DISC1: variants seen among roughly 807,000 people sequenced by gnomAD.
DISC1 encodes the protein disrupted in schizophrenia 1 protein.
A neutral mutation model predicts 84.5 loss-of-function variants in DISC1; 57 were observed. The ratio of observed to expected loss-of-function variants is 0.67; its 90% confidence interval spans 0.55 to 0.84. The LOEUF (loss-of-function observed/expected upper bound fraction) is 0.84, where lower values mean the gene tolerates loss of function less well. DISC1 is among the 40% of genes least tolerant of loss of function. DISC1 has a pLI of 0.00. For missense variants in DISC1, 1,000 were observed against 1,057.8 expected, an observed-to-expected ratio of 0.95 and a Z score of 0.76; for synonymous variants, 411 against 415.2, an observed-to-expected ratio of 0.99 and a Z score of 0.12.
At position 231,788,704 on chromosome 1, in the gene DISC1, C is replaced by T. The variant is rs142285740; in HGVS notation, c.1635-6538C>T. The stretch of plus-strand genomic sequence containing the variant: ...GAAGAGAGGACATCTCATGAGTTGA[C>T]TCCAAGTTTTTAACCTCTTTCTCTG... On this transcript the variant is annotated intron_variant, in intron 6 of 12. Transcript: ENST00000439617. 1.9e-4 allele frequency among the ~76,000 whole-genome samples: 29 copies of T among 152,284 alleles called. No individual in the cohort carries two copies. The East Asian group carries it at 5.6e-3, about 29-fold the overall frequency.
chr1:231,708,739 G>T (rs534997216), intron 3 of DISC1, among the ~76,000 whole-genome samples: 1 of 152,354 alleles, frequency 6.6e-6, no homozygotes, highest in Admixed American at 6.5e-5. Context: ...CACTGTGGAA[G>T]ACTGAGCTTT....
chr1:231,948,162 T>G (rs1331777147), intron 9 of DISC1, among the ~76,000 whole-genome samples: 2 of 152,210 alleles, frequency 1.3e-5, no homozygotes, highest in Non-Finnish European at 2.9e-5. Flanking sequence ...ACACTTATGT[T>G]TATTGTGGCA....
chr1:231,664,077 TCC>T (rs2125397756), intron 1 of DISC1, among the ~76,000 whole-genome samples: 1 of 151,876 alleles, frequency 6.6e-6, no homozygotes, highest in East Asian at 1.9e-4. Context: ...CATCCATCCA[TCC>T]GTCTATCTAT....
intron 9 of DISC1, among the ~76,000 whole-genome samples, chr1:231,908,714 T>C (rs1013349064): frequency 7.2e-5 from 11 of 152,200 alleles, no homozygotes; most frequent in Non-Finnish European, 1.2e-4. Flanking sequence ...AAGAAAGTCA[T>C]TGGTAGCTTG....
At chr1:231,718,904 G>A (rs2069179831) in intron 3 of DISC1, among the ~76,000 whole-genome samples, 1 of 152,188 alleles carries the variant, frequency 6.6e-6, no homozygotes, top group Admixed American at 6.5e-5. Flanking sequence ...TTAGAAGGCT[G>A]AGGTGGAAGG....
chr1:231,753,233 C>G (rs144199261), intron 4 of DISC1, among the ~76,000 whole-genome samples: 1 of 152,230 alleles, frequency 6.6e-6, no homozygotes, highest in East Asian at 1.9e-4. Flanking sequence ...CATGAGGGGT[C>G]CTGCCCTGCA....
rs140127303 is a variant in DISC1, at chr1:232,024,841, C to T, written c.2308-1594C>T. ...TCCTGACCTCATGATCCACCCGCCTCAGCCTCCCAAAGTGCTGGGATTACA... is the reference window on the plus strand; with the variant it reads ...TCCTGACCTCATGATCCACCCGCCTTAGCCTCCCAAAGTGCTGGGATTACA... On this transcript the variant is annotated intron_variant, in intron 11 of 12. Transcript: ENST00000439617. Among the ~76,000 whole-genome samples, 1,274 of 152,248 alleles carry T rather than the reference C, an allele frequency of 8.4e-3. 18 individuals carry two copies. The highest frequency in any genetic ancestry group is 0.029 in the African/African-American group (1,199 of 41,552).
chr1:231,945,220 C>T (rs928643938), intron 9 of DISC1: 1 of 152,182 alleles, frequency 6.6e-6, no homozygotes, highest in Non-Finnish European at 1.5e-5. Context: ...AAGTTAAACA[C>T]TCCTCAGCAA....
At chr1:231,801,813 G>A (rs1413657164) in intron 8 of DISC1, among the ~76,000 whole-genome samples, 1 of 151,654 alleles carries the variant, frequency 6.6e-6, no homozygotes, top group East Asian at 1.9e-4. Flanking sequence ...TGAATGGAAA[G>A]GATCTTGGTT....
chr1:231,780,742 A>G (rs2077351344), intron 6 of DISC1, among the ~76,000 whole-genome samples: 1 of 89,078 alleles, frequency 1.1e-5, no homozygotes, highest in African/African-American at 4.4e-5. Flanking sequence ...TCACAATAGC[A>G]AAGACTTGGA....
chr1:231,786,419 CAG>C (rs1237344397), intron 6 of DISC1, among the ~76,000 whole-genome samples: 11 of 152,262 alleles, frequency 7.2e-5, no homozygotes, highest in Non-Finnish European at 1.5e-4. Context: ...AGAACAGGAA[CAG>C]AGTTTGTTCT....
intron 2 of DISC1, among the ~76,000 whole-genome samples, chr1:231,695,929 G>A (rs2065633303): frequency 6.6e-6 from 1 of 152,144 alleles, no homozygotes; most frequent in African/African-American, 2.4e-5. Context: ...GATTTATTAT[G>A]CAGAGAGGGA....
intron 10 of DISC1, among the ~76,000 whole-genome samples, chr1:231,977,453 G>C (rs1662972544): frequency 6.6e-6 from 1 of 152,120 alleles, no homozygotes; most frequent in Non-Finnish European, 1.5e-5. Flanking sequence ...CATCTTCAAA[G>C]TGCCTCACTC....
intron 9 of DISC1, among the ~76,000 whole-genome samples, chr1:231,911,694 G>A (rs1442968500): frequency 6.6e-6 from 1 of 152,172 alleles, no homozygotes; most frequent in Non-Finnish European, 1.5e-5. Context: ...GGCGTTCTCT[G>A]TATTTCCTGC....
chr1:231,748,610 T>C (rs868799793), intron 3 of DISC1, among the ~76,000 whole-genome samples: 1 of 152,226 alleles, frequency 6.6e-6, no homozygotes, highest in African/African-American at 2.4e-5. Flanking sequence ...TGGTATATTA[T>C]CTTTTTGATG....
At chr1:231,723,428 T>A in intron 3 of DISC1, 2 of 985,728 alleles carry the variant, frequency 2.0e-6, no homozygotes, top group Non-Finnish European at 2.4e-6. Context: ...TGAGATCAGG[T>A]GCACTGGCTA....
chr1:231,684,187 G>T (rs985995852), intron 1 of DISC1, among the ~76,000 whole-genome samples: 1 of 152,050 alleles, frequency 6.6e-6, no homozygotes, highest in Non-Finnish European at 1.5e-5. Flanking sequence ...CTGGAGTGCA[G>T]TGGCTATTCA....
At chr1:231,697,606 A>ATTTTTT (rs113034860) in intron 2 of DISC1, among the ~76,000 whole-genome samples, 6 of 127,976 alleles carry the variant, frequency 4.7e-5, no homozygotes, top group Non-Finnish European at 8.4e-5. Flanking sequence ...TGCCTGGCTA[A>ATTTTTT]TTTTTTTTTT....
chr1:231,694,181 T>G lies in DISC1; in HGVS notation c.423T>G (p.Ala141=). The G allele has an allele frequency of 1.9e-6, 3 of 1,614,192 alleles. No individual in the cohort carries two copies. Among genetic ancestry groups the G allele is most frequent in the Non-Finnish European group, 2.5e-6 (3 of 1,180,024 alleles). The change falls in exon 2 of 13, where the codon GCT becomes GCG. Residue 141 remains alanine, a synonymous_variant. Transcript: ENST00000439617. ...GCTGGCCGTGTGGCCCTGGGAGTGCTGGGTGGCAGCAAGAGTTTGCAGCCA... is the reference window on the plus strand; with the variant it reads ...GCTGGCCGTGTGGCCCTGGGAGTGCGGGGTGGCAGCAAGAGTTTGCAGCCA... ...RLSWPCGPGS[A]GWQQEFAAMD... is the part of the protein sequence containing the mutation.
Sources: gnomAD v4.1 joint callset for allele counts (sites outside exome capture counted in the v4.1 genomes callset) on GRCh38, gnomAD v4.1.1 for gene constraint, MANE v1.5 for transcripts, NCBI Gene and HGNC (gene_info 2026-07-23, HGNC 2026-07-21) for gene names.